CEBPZOS: variants seen among roughly 807,000 people sequenced by gnomAD.
CEBPZOS encodes the protein protein CEBPZOS.
CEBPZOS carries 10 observed loss-of-function variants against 4.8 expected under a neutral mutation model. The ratio of observed to expected loss-of-function variants is 2.07; its 90% CI spans 1.28 to 3.52. The LOEUF (loss-of-function observed/expected upper bound fraction) is 3.52. Among genes scored for constraint, CEBPZOS ranks in the 30% most tolerant of loss-of-function variants. The pLI is 0.00. For synonymous variants in CEBPZOS, 25 were observed against 14.2 expected (o/e 1.77, Z -1.72); for missense variants, 98 against 43.6 (o/e 2.25, Z -3.51).
chr2:37,216,159 C>A (rs1402438788), downstream of CEBPZOS: 1 of 1,612,252 alleles, frequency 6.2e-7, no homozygotes, highest in East Asian at 2.2e-5. Flanking sequence ...GACGAATATC[C>A]TTAATAAAAT....
rs60652580 is a variant in CEBPZOS, at chr2:37,203,462, TAAA to T, written c.*1610_*1612del. 6.7e-6 allele frequency: 1 copy of T among 150,050 alleles called. No homozygotes were observed. Among genetic ancestry groups the T allele is most frequent in the Non-Finnish European group, 1.5e-5 (1 of 67,358 alleles). 9.3% of individuals were successfully genotyped at this position (150,050 alleles called of 1,614,324 possible). On this transcript the variant is annotated 3_prime_UTR_variant, in exon 5 of 5. Coordinates refer to ENST00000402297, the MANE Select transcript of CEBPZOS (RefSeq NM_001322374.2). ...TATAACAGCGAAAAAGGTTCTCCTTTAAAAAAAAAACTTATCTGTAGTACTGAA... is the reference window on the plus strand; with the variant it reads ...TATAACAGCGAAAAAGGTTCTCCTTTAAAAAAACTTATCTGTAGTACTGAA...
At chr2:37,211,734 G>T in intron 4 of CEBPZOS, 2 of 744,738 alleles carry the variant, frequency 2.7e-6, no homozygotes, top group African/African-American at 1.8e-5. Context: ...GCTGACATGA[G>T]TATTAATTTG....
At chr2:37,207,489 C>T (rs1677578853), downstream of CEBPZOS, among the ~76,000 whole-genome samples, 1 of 152,130 alleles carries the variant, frequency 6.6e-6, no homozygotes, top group Admixed American at 6.5e-5. Context: ...TGGAAATTAA[C>T]TCCAAAAGGA....
chr2:37,201,529 T>C, intron 3 of CEBPZOS, 113 bp from the exon 4 acceptor site: 1 of 611,196 alleles, frequency 1.6e-6, no homozygotes, highest in Non-Finnish European at 2.9e-6. Flanking sequence ...TACTGTCCTC[T>C]TTTTCATTTT....
chr2:37,206,530 G>T (rs1481389348), downstream of CEBPZOS, among the ~76,000 whole-genome samples: 1 of 152,076 alleles, frequency 6.6e-6, no homozygotes, highest in East Asian at 1.9e-4. Context: ...GCTAATTTTT[G>T]TATTTTTTGT....
At chr2:37,213,746 C>T, downstream of CEBPZOS, 2 of 665,106 alleles carry the variant, frequency 3.0e-6, no homozygotes, top group Non-Finnish European at 5.0e-6. Flanking sequence ...CTGTGATTTG[C>T]ATGATATTCT....
rs1677247705 is a variant in CEBPZOS, at chr2:37,201,723, A to T, written c.242A>T (p.Ter81LeuextTer45). 1 of 1,168,994 alleles carries T rather than the reference A, an allele frequency of 8.6e-7. No individual in the cohort carries two copies. Among genetic ancestry groups the T allele is most frequent in the East Asian group, 2.5e-5 (1 of 39,216 alleles). The allele number at this position is 1,168,994 out of a possible 1,614,324, so 72.4% of individuals were successfully genotyped here. ...DQKTWLNSKN* is the reference protein window; with the variant it reads ...DQKTWLNSKNL ...AAAACATGGTTGAACAGCAAAAATT[A>T]GATGTAAGTAGAATTTTAATCTATA... is the stretch of plus-strand genomic sequence containing the variant. The change falls in exon 4 of 5, where the codon TAG becomes TTG. Residue 81 changes from the stop codon to leucine, a stop_lost. Transcript: ENST00000402297.
At chr2:37,214,465 G>T (rs1206297428), downstream of CEBPZOS, among the ~76,000 whole-genome samples, 1 of 151,908 alleles carries the variant, frequency 6.6e-6, no homozygotes, top group Non-Finnish European at 1.5e-5. Context: ...TAAACTTAAA[G>T]TATTATATTA....
chr2:37,201,862 G>T lies in CEBPZOS; in HGVS notation c.*3-1G>T, dbSNP rs766607984. On this transcript the variant is annotated splice_acceptor_variant, in intron 4 of 4. Coordinates refer to ENST00000402297, the MANE Select transcript of CEBPZOS (RefSeq NM_001322374.2). LOFTEE classifies it low-confidence loss of function (3UTR_SPLICE). ...ATACTTTTTGCATCTCTGTTGTGTA[G>T]CCAGTCATCACGTTCAGCCTCCCAT... is the stretch of plus-strand genomic sequence containing the variant. 6.2e-7 allele frequency: 1 copy of T among 1,613,344 alleles called. No individual in the cohort carries two copies. Among genetic ancestry groups the T allele is most frequent in the Non-Finnish European group, 8.5e-7 (1 of 1,179,640 alleles).
downstream of CEBPZOS, chr2:37,214,928 T>C: frequency 6.2e-7 from 1 of 1,609,924 alleles, no homozygotes. Flanking sequence ...GCTTTCTTCT[T>C]TTGCAAGGAA....
At chr2:37,206,927 T>C (rs1436269262), downstream of CEBPZOS, among the ~76,000 whole-genome samples, 1 of 152,052 alleles carries the variant, frequency 6.6e-6, no homozygotes, top group Non-Finnish European at 1.5e-5. Context: ...ACATAAGGAC[T>C]CACATAAACT....
Position 37,201,986 on chromosome 2 carries a change from G to C in CEBPZOS, c.*126G>C. 1 of 1,357,132 alleles carries C rather than the reference G, an allele frequency of 7.4e-7. No homozygotes were observed. The highest frequency in any genetic ancestry group is 1.0e-6 in the Non-Finnish European group (1 of 989,716). 84.1% of individuals were successfully genotyped at this position (1,357,132 alleles called of 1,614,324 possible). A position where few individuals can be genotyped will look rare whatever the true frequency, so the allele number is the denominator to read the frequency against. Reference sequence around the variant, plus strand: ...CACAGAACATGCTGCTGAGTCACAGGAACTTCTAGCCTGCCTTGGCCTGTG... The same window carrying C: ...CACAGAACATGCTGCTGAGTCACAGCAACTTCTAGCCTGCCTTGGCCTGTG... On this transcript the variant is annotated 3_prime_UTR_variant, in exon 5 of 5. Transcript: ENST00000402297.
rs1012605605 is a variant in CEBPZOS, at chr2:37,202,555, G to C, written c.*695G>C. 9 of 341,904 alleles carry C rather than the reference G, an allele frequency of 2.6e-5. No homozygotes were observed. Among genetic ancestry groups the C allele is most frequent in the Non-Finnish European group, 4.8e-5 (9 of 188,102 alleles). 21.2% of individuals were successfully genotyped at this position (341,904 alleles called of 1,614,324 possible). A position where few individuals can be genotyped will look rare whatever the true frequency, so the allele number is the denominator to read the frequency against. On this transcript the variant is annotated 3_prime_UTR_variant, in exon 5 of 5. Coordinates refer to ENST00000402297, the MANE Select transcript of CEBPZOS (RefSeq NM_001322374.2). Reference sequence around the variant, plus strand: ...AGCTACTTGGGAGGCTAAGGTAGGAGAATTACTTGAACATGGGAGATGGAG... The same window carrying C: ...AGCTACTTGGGAGGCTAAGGTAGGACAATTACTTGAACATGGGAGATGGAG...
At chr2:37,210,883 A>G in intron 4 of CEBPZOS, 22 of 438,160 alleles carry the variant, frequency 5.0e-5, no homozygotes, top group East Asian at 2.2e-4. Context: ...CTTAAAAAGA[A>G]CCCCCCCCAC....
chr2:37,199,856 G>A (rs1274387831), intron 2 of CEBPZOS, 37 bp downstream of exon 2: 7 of 702,914 alleles, frequency 1.0e-5, no homozygotes, highest in Admixed American at 6.3e-5. Context: ...TTCTAAAGGG[G>A]TATAGTTTTG....
chr2:37,196,811 A>G lies in CEBPZOS; in HGVS notation c.-2+291A>G, dbSNP rs74262689. 552 of 152,644 alleles carry G rather than the reference A, an allele frequency of 3.6e-3. 20 individuals carry two copies. In the East Asian group the frequency reaches 0.085, roughly 23 times the overall value. 9.5% of individuals were successfully genotyped at this position (152,644 alleles called of 1,614,324 possible). On this transcript the variant is annotated intron_variant, in intron 1 of 4. Transcript: ENST00000402297. Reference sequence around the variant, plus strand: ...TGAGGGCAGCCGAGGGCACCAGGGAACCGGGGGAAGCGGGAGCTGGGTGGG... The same window carrying G: ...TGAGGGCAGCCGAGGGCACCAGGGAGCCGGGGGAAGCGGGAGCTGGGTGGG...
In CEBPZOS at chr2:37,202,819, A is replaced by G. The variant is rs377255620; in HGVS notation, c.*959A>G. On this transcript the variant is annotated 3_prime_UTR_variant, in exon 5 of 5. Transcript: ENST00000402297. Reference sequence around the variant, plus strand: ...TTTGTTAGCCATGGCATTCATGCCAATGTTATCAAACTTGGATCCCATATT... The same window carrying G: ...TTTGTTAGCCATGGCATTCATGCCAGTGTTATCAAACTTGGATCCCATATT... The G allele has an allele frequency of 5.4e-5, 87 of 1,599,678 alleles. No individual in the cohort carries two copies. The South Asian group carries it at 6.2e-4, about 11-fold the overall frequency.
In CEBPZOS at chr2:37,201,706, G is replaced by T. The variant is rs1335200453; in HGVS notation, c.225G>T (p.Trp75Cys). 9.4e-7 allele frequency: 1 copy of T among 1,063,606 alleles called. No individual in the cohort carries two copies. The highest frequency in any genetic ancestry group is 1.3e-5 in the South Asian group (1 of 74,088). The allele number at this position is 1,063,606 out of a possible 1,614,324, so 65.9% of individuals were successfully genotyped here. The change falls in exon 4 of 5, where the codon TGG becomes TGT. Residue 75 changes from tryptophan to cysteine, a missense_variant. Physicochemically the swap from Trp to Cys is radical, Grantham distance 215. Coordinates refer to ENST00000402297, the MANE Select transcript of CEBPZOS (RefSeq NM_001322374.2). The part of the protein sequence containing the change: ...YGIRELDQKT[W>C]LNSKN The stretch of plus-strand genomic sequence containing the variant: ...TCAGAGAGCTAGATCAAAAAACATG[G>T]TTGAACAGCAAAAATTAGATGTAAG...
intron 1 of CEBPZOS, chr2:37,198,420 G>A (rs1558459015): frequency 6.6e-6 from 1 of 152,146 alleles, no homozygotes; most frequent in Non-Finnish European, 1.5e-5. Context: ...GGGGGTGGTG[G>A]GGAGGGCCAC....
Sources: gnomAD v4.1 joint callset for allele counts (sites outside exome capture counted in the v4.1 genomes callset) on GRCh38, gnomAD v4.1.1 for gene constraint, MANE v1.5 for transcripts, NCBI Gene and HGNC (gene_info 2026-07-23, HGNC 2026-07-21) for gene names.